The following POLR1C variants were observed in gnomAD, a reference collection of about 807,000 sequenced individuals.
POLR1C encodes the protein DNA-directed RNA polymerases I and III subunit RPAC1.
Under a neutral mutation model 38.3 loss-of-function variants are expected in POLR1C, and 42 were observed. The observed-to-expected ratio is 1.10, with a 90% CI of 0.86 to 1.42. POLR1C has a LOEUF of 1.42. Ranked by LOEUF, POLR1C falls within the 40% of genes most tolerant of loss-of-function variation. The pLI is 0.00. For synonymous variants in POLR1C, 163 were observed against 163.9 expected (o/e 0.99, Z 0.04); for missense variants, 507 against 450.5 (o/e 1.13, Z -1.14).
downstream of POLR1C, chr6:43,522,835 C>T (rs1793281490): frequency 6.6e-6 from 2 of 303,866 alleles, no homozygotes; most frequent in Non-Finnish European, 1.5e-5. Flanking sequence ...GGTCCCGTAT[C>T]CATGTCCTCT....
At chr6:43,531,847 AAAG>A (rs1317343907), downstream of POLR1C, among the ~76,000 whole-genome samples, 2 of 152,162 alleles carry the variant, frequency 1.3e-5, no homozygotes, top group Non-Finnish European at 2.9e-5. Context: ...TGACAACTCA[AAAG>A]TATTTTTCCA....
downstream of POLR1C, chr6:43,524,914 G>A: frequency 6.2e-7 from 1 of 1,613,984 alleles, no homozygotes; most frequent in Admixed American, 1.7e-5. Flanking sequence ...AAGCCTTTCA[G>A]CACACTGGTG....
chr6:43,538,166 TTG>T (rs1794467519), intron 9 of POLR1C, among the ~76,000 whole-genome samples: 1 of 134,390 alleles, frequency 7.4e-6, no homozygotes, highest in Non-Finnish European at 1.5e-5. Context: ...TTTTTTTTTT[TTG>T]AAACAGAGAT....
chr6:43,525,794 C>T, downstream of POLR1C: 1 of 1,592,722 alleles, frequency 6.3e-7, no homozygotes. Context: ...AGGTGACTCC[C>T]CACCTGGGCA....
chr6:43,520,153 C>G lies in POLR1C; in HGVS notation c.470C>G (p.Ser157Cys), dbSNP rs750595496. The change falls in exon 5 of 9, where the codon TCT becomes TGT. Residue 157 changes from serine to cysteine, a missense_variant. Coordinates refer to ENST00000642195, the MANE Select transcript of POLR1C (RefSeq NM_203290.4). Reference protein sequence around the residue: ...TRNPHAAKDSSDPNELYVNHK... With the variant: ...TRNPHAAKDSCDPNELYVNHK... Reference sequence around the variant, plus strand: ...AACCCCCATGCTGCTAAAGATTCCTCTGACCCCAACGAACTGTACGTGAAC... The same window carrying G: ...AACCCCCATGCTGCTAAAGATTCCTGTGACCCCAACGAACTGTACGTGAAC... 70 of 1,614,096 alleles carry G rather than the reference C, an allele frequency of 4.3e-5. No homozygotes were observed. Among genetic ancestry groups the G allele is most frequent in the Non-Finnish European group, 5.8e-5 (69 of 1,180,044 alleles).
intron 9 of POLR1C, among the ~76,000 whole-genome samples, chr6:43,549,112 G>T (rs1795106379): frequency 6.6e-6 from 1 of 152,144 alleles, no homozygotes; most frequent in Non-Finnish European, 1.5e-5. Context: ...TGCCCAGGCT[G>T]GAGCAATGGC....
At chr6:43,525,157 G>A (rs2127698311), downstream of POLR1C, 1 of 1,585,052 alleles carries the variant, frequency 6.3e-7, no homozygotes, top group East Asian at 2.3e-5. Flanking sequence ...TGGCAGGACA[G>A]AGTATCTTTC....
chr6:43,536,497 G>A (rs1487229135), intron 9 of POLR1C, among the ~76,000 whole-genome samples: 2 of 151,584 alleles, frequency 1.3e-5, no homozygotes, highest in Non-Finnish European at 2.9e-5. Context: ...GGTGGCTTAT[G>A]CCTGTAATCC....
chr6:43,548,556 TC>T, intron 9 of POLR1C: 2 of 1,175,308 alleles, frequency 1.7e-6, no homozygotes. Context: ...ACCAAAGCAG[TC>T]CCAGGAAAGT....
chr6:43,524,137 AG>A, downstream of POLR1C: 1 of 1,329,450 alleles, frequency 7.5e-7, no homozygotes, highest in Non-Finnish European at 1.0e-6. Flanking sequence ...GGATCACCTG[AG>A]GTCAGGAGTT....
At chr6:43,524,661 T>C, downstream of POLR1C, 1 of 1,607,914 alleles carries the variant, frequency 6.2e-7, no homozygotes, top group African/African-American at 1.3e-5. Context: ...ATAAACTTAC[T>C]GGATGTAGGT....
chr6:43,539,171 T>A (rs1268628108), intron 9 of POLR1C: 16 of 1,111,586 alleles, frequency 1.4e-5, no homozygotes, highest in Non-Finnish European at 2.1e-5. Flanking sequence ...GGGGACGGTG[T>A]GGGGCTTGCC....
intron 9 of POLR1C, among the ~76,000 whole-genome samples, chr6:43,546,987 GCTGT>G (rs1327044421): frequency 6.6e-6 from 1 of 152,126 alleles, no homozygotes; most frequent in East Asian, 1.9e-4. Context: ...CTTGCAGTAA[GCTGT>G]CTTTCTAGGA....
rs1052085251 is a variant in POLR1C, at chr6:43,556,851, G to A, written c.*49-4549G>A. On this transcript the variant is annotated intron_variant, in intron 10 of 10. Coordinates refer to the POLR1C transcript ENST00000607635. ...TTAGCAATAAAAAGAAATGAAGGCC[G>A]GGTGTGGTGGCTCACGCCTATAATC... is the stretch of plus-strand genomic sequence containing the variant. Among the ~76,000 whole-genome samples, 13 of 152,220 alleles carry A rather than the reference G, an allele frequency of 8.5e-5. No homozygotes were observed. The East Asian group carries it at 1.2e-3, about 14-fold the overall frequency.
exon 11 of POLR1C, chr6:43,561,901 A>C (rs1438913246): frequency 5.9e-6 from 1 of 170,850 alleles, no homozygotes. Flanking sequence ...AGAGTTCTTT[A>C]TTCAAGTCCA....
Position 43,519,426 on chromosome 6 carries a change from A to G in POLR1C, c.235A>G (p.Ile79Val). Reference protein sequence around the residue: ...DAAIANAFRRILLAEVPTMAV... With the variant: ...DAAIANAFRRVLLAEVPTMAV... Reference sequence around the variant, plus strand: ...AGCCATTGCCAATGCTTTTCGACGAATTCTGCTAGCTGAGGTATTGGCAGG... The same window carrying G: ...AGCCATTGCCAATGCTTTTCGACGAGTTCTGCTAGCTGAGGTATTGGCAGG... Residue 79 changes from isoleucine to valine, a missense_variant, in exon 3 of 9, where the codon ATT (isoleucine) becomes GTT (valine). Coordinates refer to ENST00000642195, the MANE Select transcript of POLR1C (RefSeq NM_203290.4). 1 of 1,612,740 alleles carries G rather than the reference A, an allele frequency of 6.2e-7. No individual in the cohort carries two copies. Among genetic ancestry groups the G allele is most frequent in the Non-Finnish European group, 8.5e-7 (1 of 1,178,674 alleles).
At chr6:43,524,421 A>G (rs1158029861), downstream of POLR1C, 1 of 1,588,742 alleles carries the variant, frequency 6.3e-7, no homozygotes, top group Admixed American at 1.8e-5. Flanking sequence ...TTGCCCATAC[A>G]CATGATTTAA....
rs532836892 is a variant in POLR1C, at chr6:43,528,435, G to A, written c.923-814G>A. Among the ~76,000 whole-genome samples the A allele has an allele frequency of 8.5e-5, 13 of 152,082 alleles. 1 individual carries two copies. Among genetic ancestry groups the A allele is most frequent in the African/African-American group, 2.4e-4 (10 of 41,498 alleles). On this transcript the variant is annotated intron_variant, in intron 8 of 8. Coordinates refer to the POLR1C transcript ENST00000304004. ...TCTCAAACACCTCTTTGCTTGGAAA[G>A]AATTAACAACATTTTTAGAATTCCT...
chr6:43,551,428 T>G, intron 10 of POLR1C: 1 of 1,613,694 alleles, frequency 6.2e-7, no homozygotes, highest in South Asian at 1.1e-5. Context: ...CTGCAATAGC[T>G]CTATTCCATC....
Sources: allele counts gnomAD v4.1 joint callset (sites outside exome capture counted in the v4.1 genomes callset), GRCh38; gene constraint gnomAD v4.1.1; transcripts MANE v1.5; gene names NCBI Gene and HGNC (gene_info 2026-07-23, HGNC 2026-07-21).